MAGI2: variants seen among roughly 807,000 people sequenced by gnomAD.
MAGI2 encodes the protein membrane-associated guanylate kinase, WW and PDZ domain-containing protein 2.
A neutral mutation model predicts 133.3 loss-of-function variants in MAGI2; 35 were observed. The observed-to-expected ratio is 0.26, with a 90% CI of 0.20 to 0.35. The LOEUF is 0.35. Among genes scored for constraint, MAGI2 ranks in the 10% least tolerant of loss-of-function variants. MAGI2 has a pLI of 1.00. For missense variants in MAGI2, 1,636 were observed against 1,863.4 expected, an observed-to-expected ratio of 0.88 and a Z score of 2.25; for synonymous variants, 729 against 710.6, an observed-to-expected ratio of 1.03 and a Z score of -0.41.
intron 2 of MAGI2, among the ~76,000 whole-genome samples, chr7:78,660,401 G>C (rs943034540): frequency 2.8e-5 from 3 of 106,388 alleles, no homozygotes; most frequent in East Asian, 2.7e-4. Context: ...AAACTTACTT[G>C]AACTATTTTA....
At chr7:78,419,582 G>C (rs1369367859) in intron 6 of MAGI2, among the ~76,000 whole-genome samples, 1 of 140,096 alleles carries the variant, frequency 7.1e-6, no homozygotes, top group Non-Finnish European at 1.5e-5. Flanking sequence ...CTGAGACTGA[G>C]TCTGGGATTG....
intron 2 of MAGI2, among the ~76,000 whole-genome samples, chr7:78,855,831 C>CGG (rs1263582675): frequency 6.6e-6 from 1 of 152,226 alleles, no homozygotes; most frequent in African/African-American, 2.4e-5. Flanking sequence ...AATCGCCACA[C>CGG]TGTCTTCCAC....
At chr7:78,960,993 C>T (rs904519309) in intron 2 of MAGI2, among the ~76,000 whole-genome samples, 7 of 152,060 alleles carry the variant, frequency 4.6e-5, no homozygotes, top group Admixed American at 3.9e-4. Context: ...GGATAAAATA[C>T]CAGTTCTGAT....
intron 16 of MAGI2, chr7:78,159,783 GC>G (rs1419349629): frequency 2.8e-6 from 1 of 351,386 alleles, no homozygotes; most frequent in Non-Finnish European, 5.1e-6. Flanking sequence ...TGAATGAAGA[GC>G]TTTTATAGGG....
chr7:78,165,322 C>T (rs972239736), intron 15 of MAGI2, among the ~76,000 whole-genome samples: 14 of 150,100 alleles, frequency 9.3e-5, no homozygotes, highest in African/African-American at 3.2e-4. Context: ...GAGACCTTTT[C>T]TCAAAAAAAT....
At chr7:78,613,618 G>A (rs78301261) in intron 3 of MAGI2, among the ~76,000 whole-genome samples, 1 of 152,230 alleles carries the variant, frequency 6.6e-6, no homozygotes, top group East Asian at 1.9e-4. Context: ...AACAAAACAC[G>A]TGAAAGCCTA....
chr7:79,422,494 T>C (rs1362021334), intron 1 of MAGI2, among the ~76,000 whole-genome samples: 1 of 151,960 alleles, frequency 6.6e-6, no homozygotes. Context: ...AAATGTAAAA[T>C]GTCAGAAATA....
At chr7:79,229,096 TGA>T in intron 1 of MAGI2, among the ~76,000 whole-genome samples, 1 of 151,420 alleles carries the variant, frequency 6.6e-6, no homozygotes, top group African/African-American at 2.4e-5. Flanking sequence ...TTTTTTTTTT[TGA>T]GCCAAAAATA....
At chr7:79,200,304 G>T (rs1828477575) in intron 1 of MAGI2, among the ~76,000 whole-genome samples, 1 of 151,844 alleles carries the variant, frequency 6.6e-6, no homozygotes, top group African/African-American at 2.4e-5. Context: ...AAAATACCAT[G>T]TTGCCTTACA....
intron 1 of MAGI2, among the ~76,000 whole-genome samples, chr7:79,421,348 T>G (rs946066037): frequency 9.9e-5 from 15 of 151,964 alleles, no homozygotes; most frequent in Admixed American, 1.3e-4. Flanking sequence ...ATTATTAATA[T>G]TACTCACATT....
At chr7:78,753,880 G>A (rs898207720) in intron 2 of MAGI2, among the ~76,000 whole-genome samples, 6 of 151,704 alleles carry the variant, frequency 4.0e-5, no homozygotes, top group East Asian at 3.9e-4. Context: ...CAGAAAAGTC[G>A]GGTGATAGAA....
intron 6 of MAGI2, among the ~76,000 whole-genome samples, chr7:78,443,434 G>A (rs1355777252): frequency 1.3e-5 from 2 of 152,058 alleles, no homozygotes; most frequent in African/African-American, 2.4e-5. Context: ...AGTAGCACAA[G>A]CACAGAGCCT....
At chr7:78,051,238 A>C (rs1450757049) in intron 21 of MAGI2, among the ~76,000 whole-genome samples, 4 of 152,216 alleles carry the variant, frequency 2.6e-5, no homozygotes, top group Non-Finnish European at 5.9e-5. Context: ...TTCCCCAAAG[A>C]AATACAGTAC....
At chr7:79,071,457 C>T (rs1562858522) in intron 1 of MAGI2, among the ~76,000 whole-genome samples, 1 of 152,134 alleles carries the variant, frequency 6.6e-6, no homozygotes, top group Non-Finnish European at 1.5e-5. Flanking sequence ...CAGCCTGTCC[C>T]TTATCAGAGC....
chr7:78,369,342 G>GCAAATTT, intron 6 of MAGI2, 129 bp from the exon 7 acceptor site: 2 of 623,698 alleles, frequency 3.2e-6, no homozygotes, highest in East Asian at 5.7e-5. Context: ...AGAGTCAGCA[G>GCAAATTT]CAAATTTCAG....
At chr7:78,989,077 G>A (rs1016351793) in intron 2 of MAGI2, among the ~76,000 whole-genome samples, 2 of 152,018 alleles carry the variant, frequency 1.3e-5, no homozygotes, top group African/African-American at 2.4e-5. Context: ...CATCTGAGTG[G>A]AAACTGTACT....
chr7:78,993,842 A>G (rs1445525809), intron 2 of MAGI2, among the ~76,000 whole-genome samples: 3 of 152,018 alleles, frequency 2.0e-5, no homozygotes, highest in Non-Finnish European at 4.4e-5. Context: ...TTTGACATTG[A>G]AAGCAATAAA....
chr7:78,106,325 TGC>T (rs1818690457), intron 20 of MAGI2, among the ~76,000 whole-genome samples: 2 of 152,058 alleles, frequency 1.3e-5, no homozygotes, highest in African/African-American at 4.8e-5. Flanking sequence ...AACAAGGGGG[TGC>T]ACATATCTCT....
intron 2 of MAGI2, among the ~76,000 whole-genome samples, chr7:78,756,929 A>C (rs189276441): frequency 2.0e-3 from 302 of 152,300 alleles, no homozygotes; most frequent in Non-Finnish European, 3.5e-3. Flanking sequence ...GAGAAAAATG[A>C]CCACTGATTT....
Sources: allele counts gnomAD v4.1 joint callset (sites outside exome capture counted in the v4.1 genomes callset), GRCh38; gene constraint gnomAD v4.1.1; transcripts MANE v1.5; gene names NCBI Gene and HGNC (gene_info 2026-07-23, HGNC 2026-07-21).